The following ANO6 variants were observed in gnomAD, a reference collection of about 807,000 sequenced individuals.
The protein encoded by ANO6 is anoctamin-6.
Under a neutral mutation model 117.5 loss-of-function variants are expected in ANO6, and 106 were observed. That is an observed-to-expected ratio of 0.90 (90% CI 0.77 to 1.06). The LOEUF (loss-of-function observed/expected upper bound fraction) is 1.06, where lower values mean the gene tolerates loss of function less well. ANO6 is among the 50% of genes least tolerant of loss of function. The probability of loss-of-function intolerance (pLI) is 0.00; values close to 1 mark genes in which losing one functional copy is unlikely to be tolerated. For missense variants in ANO6, 955 were observed against 1,121.1 expected (o/e 0.85, Z 2.12); for synonymous variants, 367 against 385.1 (o/e 0.95, Z 0.55).
At chr12:45,406,265 G>A (rs750208859) in intron 15 of ANO6, among the ~76,000 whole-genome samples, 5 of 152,212 alleles carry the variant, frequency 3.3e-5, no homozygotes, top group Non-Finnish European at 5.9e-5. Context: ...CATCACATCA[G>A]TAAATTACAG....
intron 1 of ANO6, among the ~76,000 whole-genome samples, chr12:45,283,086 T>G (rs74080997): frequency 0.011 from 1,684 of 152,312 alleles, 30 homozygotes; most frequent in African/African-American, 0.037. Context: ...ACTTAGAAAT[T>G]TTGGTGTCTC....
At chr12:45,308,235 A>G (rs2137324369) in intron 2 of ANO6, among the ~76,000 whole-genome samples, 1 of 151,840 alleles carries the variant, frequency 6.6e-6, no homozygotes, top group South Asian at 2.1e-4. Context: ...TACTGGAATA[A>G]TGTCCCTGAG....
At chr12:45,290,775 C>G (rs1238932955) in intron 1 of ANO6, among the ~76,000 whole-genome samples, 1 of 152,056 alleles carries the variant, frequency 6.6e-6, no homozygotes, top group Non-Finnish European at 1.5e-5. Context: ...CTAAAAGTTG[C>G]AGAAATGAAA....
rs573671549 is a variant in ANO6 at position 45,357,914 on chromosome 12, A to G, written c.998+490A>G. ...ACTCAATAGTTGTTTTGGTTTTTACATTAAAAAATAGTTCATACAATGTTT... is the reference window on the plus strand; with the variant it reads ...ACTCAATAGTTGTTTTGGTTTTTACGTTAAAAAATAGTTCATACAATGTTT... On this transcript the variant is annotated intron_variant, in intron 8 of 19. Transcript: ENST00000320560. 9.8e-5 allele frequency among the ~76,000 whole-genome samples: 15 copies of G among 152,368 alleles called. No individual in the cohort carries two copies. In the South Asian group the frequency reaches 2.5e-3, roughly 25 times the overall value.
chr12:45,308,242 T>C (rs564416041), intron 2 of ANO6, among the ~76,000 whole-genome samples: 3 of 151,716 alleles, frequency 2.0e-5, no homozygotes, highest in Non-Finnish European at 4.4e-5. Context: ...ATAATGTCCC[T>C]GAGAGGGCAA....
At chr12:45,417,049 A>C in intron 17 of ANO6, 145 bp downstream of exon 17, 2 of 784,460 alleles carry the variant, frequency 2.5e-6, no homozygotes, top group Admixed American at 5.1e-5. Context: ...GCTATATATA[A>C]CCACTTGTTA....
chr12:45,361,104 A>G (rs909355098), intron 8 of ANO6, among the ~76,000 whole-genome samples: 3 of 152,164 alleles, frequency 2.0e-5, no homozygotes, highest in African/African-American at 7.2e-5. Flanking sequence ...TGATAAGAAT[A>G]ATGTTGATTC....
In ANO6 at chr12:45,348,133, C is replaced by A; in HGVS notation, c.451C>A (p.Leu151Met). Residue 151 changes from leucine to methionine, a missense_variant, in exon 5 of 20, where the codon CTG becomes ATG. Leu to Met is a conservative substitution (Grantham distance 15). Coordinates refer to ENST00000320560, the MANE Select transcript of ANO6 (RefSeq NM_001025356.3). ...CAAATTGCCTCTGAAACCCAATGAT[C>A]TGAAAAACCGGTCCTCAGCCTTTGG... The part of the protein sequence containing the change: ...HIKLPLKPND[L>M]KNRSSAFGTL... 1 of 1,614,056 alleles carries A rather than the reference C, an allele frequency of 6.2e-7. No homozygotes were observed. Among genetic ancestry groups the A allele is most frequent in the South Asian group, 1.1e-5 (1 of 91,082 alleles).
chr12:45,422,714 C>T (rs921113066), intron 18 of ANO6, among the ~76,000 whole-genome samples: 3 of 152,012 alleles, frequency 2.0e-5, no homozygotes, highest in Non-Finnish European at 4.4e-5. Flanking sequence ...GCTGCGATTA[C>T]AAGCACGTGC....
intron 2 of ANO6, among the ~76,000 whole-genome samples, chr12:45,323,338 A>T (rs1418132119): frequency 1.3e-5 from 2 of 152,206 alleles, no homozygotes; most frequent in East Asian, 3.9e-4. Context: ...AGCATGTTAG[A>T]AGCAGCAGGT....
At chr12:45,428,666 C>T (rs1029124065) in intron 19 of ANO6, among the ~76,000 whole-genome samples, 2 of 152,096 alleles carry the variant, frequency 1.3e-5, no homozygotes, top group Admixed American at 6.5e-5. Flanking sequence ...GGTATATATA[C>T]ATATTTTGTC....
intron 17 of ANO6, among the ~76,000 whole-genome samples, chr12:45,419,167 A>G (rs1430074223): frequency 1.3e-5 from 2 of 152,236 alleles, no homozygotes; most frequent in Admixed American, 6.5e-5. Context: ...GACCAATTTT[A>G]ATTTATTTTT....
chr12:45,276,737 C>G (rs1262048259), intron 1 of ANO6, among the ~76,000 whole-genome samples: 2 of 152,074 alleles, frequency 1.3e-5, no homozygotes, highest in Non-Finnish European at 2.9e-5. Context: ...TCTGTTTTAT[C>G]TTCTGCATCT....
intron 1 of ANO6, among the ~76,000 whole-genome samples, chr12:45,299,715 G>T (rs1424739288): frequency 6.6e-6 from 1 of 152,070 alleles, no homozygotes; most frequent in Non-Finnish European, 1.5e-5. Context: ...CTAGCCAGGT[G>T]TAGTGGCACG....
chr12:45,318,487 C>T (rs1433565867), intron 2 of ANO6, among the ~76,000 whole-genome samples: 1 of 152,172 alleles, frequency 6.6e-6, no homozygotes, highest in Non-Finnish European at 1.5e-5. Flanking sequence ...GTCGATATCT[C>T]TGTTTTGGTA....
chr12:45,313,021 G>A (rs1200861734), intron 2 of ANO6, among the ~76,000 whole-genome samples: 2 of 152,014 alleles, frequency 1.3e-5, no homozygotes, highest in Non-Finnish European at 2.9e-5. Context: ...AGGTCATTCA[G>A]TGATGCTAAT....
At chr12:45,416,163 A>G (rs1943207527) in intron 16 of ANO6, among the ~76,000 whole-genome samples, 1 of 152,218 alleles carries the variant, frequency 6.6e-6, no homozygotes, top group African/African-American at 2.4e-5. Context: ...TATTACTGTC[A>G]AATTCTCTGA....
At chr12:45,432,398 T>A (rs199981374), downstream of ANO6, 67 of 621,954 alleles carry the variant, frequency 1.1e-4, no homozygotes, top group African/African-American at 1.2e-4. Flanking sequence ...GAAGAGAACA[T>A]ATATCTGCTA....
intron 2 of ANO6, among the ~76,000 whole-genome samples, chr12:45,308,992 C>T (rs961762434): frequency 1.3e-5 from 2 of 151,982 alleles, no homozygotes; most frequent in East Asian, 3.9e-4. Context: ...TAGAAAAAGT[C>T]GAGGGGCCCC....
Sources: allele counts gnomAD v4.1 joint callset (sites outside exome capture counted in the v4.1 genomes callset), GRCh38; gene constraint gnomAD v4.1.1; transcripts MANE v1.5; gene names NCBI Gene and HGNC (gene_info 2026-07-23, HGNC 2026-07-21).